SYN3: variants seen among roughly 807,000 people sequenced by gnomAD.
SYN3 encodes synapsin III.
Under a neutral mutation model 65.8 loss-of-function variants are expected in SYN3, and 35 were observed. That is an observed-to-expected ratio of 0.53 (90% CI 0.41 to 0.70). The LOEUF (loss-of-function observed/expected upper bound fraction) is 0.70. Among genes scored for constraint, SYN3 ranks in the 30% least tolerant of loss-of-function variants. The probability of loss-of-function intolerance (pLI) is 0.00; values close to 1 mark genes in which losing one functional copy is unlikely to be tolerated. For missense variants in SYN3, 680 were observed against 749.0 expected (o/e 0.91, Z 1.08); for synonymous variants, 270 against 292.9 (o/e 0.92, Z 0.80).
chr22:32,926,706 A>T (rs1157776044), intron 4 of SYN3, among the ~76,000 whole-genome samples: 1 of 152,092 alleles, frequency 6.6e-6, no homozygotes, highest in African/African-American at 2.4e-5. Context: ...TACACTGATA[A>T]CTCTTCTCTT....
chr22:32,538,159 T>G lies in SYN3; in HGVS notation c.918-49A>C, dbSNP rs202106027. On this transcript the variant is annotated intron_variant, in intron 8 of 13. Transcript: ENST00000358763. Reference sequence around the variant, plus strand: ...TGAGGGAATTAGGGACCCTCGTCACTGATCTGCTTTCCTTCTTTGCTTTGG... The same window carrying G: ...TGAGGGAATTAGGGACCCTCGTCACGGATCTGCTTTCCTTCTTTGCTTTGG... 2.9e-4 allele frequency: 453 copies of G among 1,544,440 alleles called. 2 individuals carry two copies. The Middle Eastern group carries it at 7.1e-3, about 24-fold the overall frequency.
At chr22:32,940,458 C>T (rs1569342493) in intron 3 of SYN3, among the ~76,000 whole-genome samples, 1 of 152,098 alleles carries the variant, frequency 6.6e-6, no homozygotes. Flanking sequence ...GTCATGTAGG[C>T]ACTCTCAGTG....
chr22:32,759,516 G>A (rs2045391390), intron 6 of SYN3, among the ~76,000 whole-genome samples: 1 of 152,122 alleles, frequency 6.6e-6, no homozygotes, highest in African/African-American at 2.4e-5. Context: ...TGACATTTTG[G>A]AATGTAATTT....
chr22:33,041,110 G>T (rs1397410457), intron 1 of SYN3, among the ~76,000 whole-genome samples: 1 of 151,742 alleles, frequency 6.6e-6, no homozygotes, highest in African/African-American at 2.4e-5. Context: ...GTAGAGATGG[G>T]TTTTCACCAT....
chr22:32,704,348 A>G (rs886465698), intron 6 of SYN3, among the ~76,000 whole-genome samples: 6 of 152,166 alleles, frequency 3.9e-5, no homozygotes, highest in African/African-American at 1.4e-4. Context: ...TTAGTTTGCT[A>G]AAGATAATGG....
At chr22:32,569,551 C>CTCTA (rs2058726542) in intron 7 of SYN3, among the ~76,000 whole-genome samples, 2 of 68,520 alleles carry the variant, frequency 2.9e-5, no homozygotes, top group Non-Finnish European at 5.2e-5. Flanking sequence ...CTCTCTCTCT[C>CTCTA]TCTCTCTCTC....
chr22:32,864,104 T>G (rs565436009), intron 6 of SYN3, among the ~76,000 whole-genome samples: 1 of 152,300 alleles, frequency 6.6e-6, no homozygotes, highest in East Asian at 1.9e-4. Flanking sequence ...AAGCCTGAGC[T>G]TGGACTCTAC....
At position 32,569,633 on chromosome 22, in the gene SYN3, T is replaced by C. The variant is rs528996306; in HGVS notation, c.774+27041A>G. On this transcript the variant is annotated intron_variant, in intron 7 of 13. Transcript: ENST00000358763. ...TAGGTGATGGTTATTATTGCATGCATAAGAGTTTTAAAAATACGAAATACT... is the reference window on the plus strand; with the variant it reads ...TAGGTGATGGTTATTATTGCATGCACAAGAGTTTTAAAAATACGAAATACT... Among the ~76,000 whole-genome samples the C allele has an allele frequency of 2.1e-4, 32 of 151,376 alleles. No individual in the cohort carries two copies. In the South Asian group the frequency reaches 6.3e-3, roughly 30 times the overall value.
intron 2 of SYN3, among the ~76,000 whole-genome samples, chr22:33,006,015 T>C (rs933940421): frequency 1.3e-5 from 2 of 152,198 alleles, no homozygotes; most frequent in African/African-American, 2.4e-5. Context: ...ACACACTTAG[T>C]ATAATTATAG....
chr22:32,668,865 C>A (rs1172843212), intron 6 of SYN3, among the ~76,000 whole-genome samples: 1 of 152,196 alleles, frequency 6.6e-6, no homozygotes, highest in Non-Finnish European at 1.5e-5. Flanking sequence ...CCCTTAGGAT[C>A]CAGAGTGGGC....
intron 6 of SYN3, among the ~76,000 whole-genome samples, chr22:32,682,904 C>G (rs1295297547): frequency 6.6e-6 from 1 of 152,116 alleles, no homozygotes. Flanking sequence ...TTGGAAGGTG[C>G]CTTGGTGAGG....
In SYN3 at chr22:32,909,572, G is replaced by T. The variant is rs534325696; in HGVS notation, c.461+21818C>A. ...CTTGAATAAACAACGTCTTCATCCA[G>T]TTTTTAAAAGACACTCTAATTCTGT... On this transcript the variant is annotated intron_variant, in intron 4 of 13. Transcript: ENST00000358763. 2.6e-4 allele frequency among the ~76,000 whole-genome samples: 39 copies of T among 152,232 alleles called. 1 individual carries two copies. In the East Asian group the frequency reaches 7.0e-3, roughly 27 times the overall value.
At chr22:32,690,470 G>A (rs980550225) in intron 6 of SYN3, among the ~76,000 whole-genome samples, 15 of 152,200 alleles carry the variant, frequency 9.9e-5, no homozygotes, top group Non-Finnish European at 1.5e-4. Flanking sequence ...TGTGAGCCTG[G>A]ATTCCTGAGG....
intron 6 of SYN3, among the ~76,000 whole-genome samples, chr22:32,857,076 T>G (rs1034717478): frequency 6.6e-6 from 1 of 152,206 alleles, no homozygotes; most frequent in Non-Finnish European, 1.5e-5. Context: ...GGCACTTAGG[T>G]TGATTTCATA....
At chr22:33,048,784 A>T (rs1206671209) in intron 1 of SYN3, among the ~76,000 whole-genome samples, 1 of 152,190 alleles carries the variant, frequency 6.6e-6, no homozygotes, top group African/African-American at 2.4e-5. Flanking sequence ...CTTAATGGCA[A>T]TGCAAAATGG....
chr22:32,733,464 T>C (rs1012270165), intron 6 of SYN3, among the ~76,000 whole-genome samples: 7 of 152,184 alleles, frequency 4.6e-5, no homozygotes, highest in Admixed American at 4.6e-4. Context: ...ATCTCTGACA[T>C]TCTGGGCTGT....
intron 7 of SYN3, among the ~76,000 whole-genome samples, chr22:32,593,325 A>T (rs1462601020): frequency 8.7e-6 from 1 of 114,880 alleles, no homozygotes; most frequent in Non-Finnish European, 1.7e-5. Context: ...TGAGTTTCTC[A>T]TCTCTTTATT....
intron 7 of SYN3, among the ~76,000 whole-genome samples, chr22:32,551,187 G>A (rs2058408774): frequency 6.6e-6 from 1 of 152,166 alleles, no homozygotes; most frequent in African/African-American, 2.4e-5. Context: ...AGGCAATGCT[G>A]ATCAATGCCA....
At chr22:32,858,391 G>A (rs1343611502) in intron 6 of SYN3, among the ~76,000 whole-genome samples, 2 of 152,146 alleles carry the variant, frequency 1.3e-5, no homozygotes, top group Non-Finnish European at 2.9e-5. Context: ...GGAAGCTGCT[G>A]GGGCATGAGG....
Sources: gnomAD v4.1 joint callset for allele counts (sites outside exome capture counted in the v4.1 genomes callset) on GRCh38, gnomAD v4.1.1 for gene constraint, MANE v1.5 for transcripts, NCBI Gene and HGNC (gene_info 2026-07-23, HGNC 2026-07-21) for gene names.